The following ACSM3 variants were observed in gnomAD, a reference collection of about 807,000 sequenced individuals.
ACSM3 encodes the protein acyl-coenzyme A synthetase ACSM3, mitochondrial.
ACSM3 carries 61 observed loss-of-function variants against 74.1 expected under a neutral mutation model. That is an observed-to-expected ratio of 0.82 (90% CI 0.67 to 1.02). ACSM3 has a LOEUF of 1.02. Ranked by LOEUF, ACSM3 falls within the 50% of genes least tolerant of loss-of-function variation. The pLI, the probability that ACSM3 is intolerant of heterozygous loss-of-function variation, is 0.00. For synonymous variants in ACSM3, 213 were observed against 241.5 expected (o/e 0.88, Z 1.09); for missense variants, 660 against 697.0 (o/e 0.95, Z 0.60).
chr16:20,759,559 C>CAAA (rs35117717), upstream of ACSM3, among the ~76,000 whole-genome samples: 4 of 76,144 alleles, frequency 5.3e-5, no homozygotes, highest in Admixed American at 1.7e-4. Flanking sequence ...GACTCCATCT[C>CAAA]AAAAAAAAAA....
chr16:20,741,835 G>T, intron 1 of ACSM3: 1 of 1,538,660 alleles, frequency 6.5e-7, no homozygotes. Context: ...GGATATGAGC[G>T]ACGGCCTCCC....
intron 1 of ACSM3, chr16:20,738,310 C>CAA (rs200704193): frequency 6.8e-3 from 1,528 of 224,900 alleles, no homozygotes; most frequent in East Asian, 0.011. Flanking sequence ...CACTTTTTTA[C>CAA]AAAAAAAAAA....
chr16:20,727,515 T>G (rs2079810994), intron 1 of ACSM3: 1 of 331,418 alleles, frequency 3.0e-6, no homozygotes, highest in Non-Finnish European at 6.0e-6. Context: ...GGGGCCTTTC[T>G]GCCCCAGGAT....
chr16:20,794,429 GC>G (rs572475478), intron 12 of ACSM3, among the ~76,000 whole-genome samples: 41 of 152,278 alleles, frequency 2.7e-4, no homozygotes, highest in Non-Finnish European at 5.0e-4. Flanking sequence ...CGATAGCCAT[GC>G]ATGGCTATCA....
At chr16:20,682,392 C>CT (rs1470082657) in intron 1 of ACSM3, 1 of 1,613,946 alleles carries the variant, frequency 6.2e-7, no homozygotes, top group East Asian at 2.2e-5. Flanking sequence ...ATGCCCTTGG[C>CT]TTTAGACAAC....
rs142356189 is a variant in ACSM3 at position 20,790,005 on chromosome 16, T to C, written c.1225-582T>C. Among the ~76,000 whole-genome samples, 820 of 152,230 alleles carry C rather than the reference T, an allele frequency of 5.4e-3. 12 individuals carry two copies. The highest frequency in any genetic ancestry group is 0.019 in the African/African-American group (789 of 41,534). ...CCTATTTTTCGATTTATCTATATTGTCTCAAAGGATATTACCAAAATGTGA... is the reference window on the plus strand; with the variant it reads ...CCTATTTTTCGATTTATCTATATTGCCTCAAAGGATATTACCAAAATGTGA... On this transcript the variant is annotated intron_variant, in intron 9 of 13. Transcript: ENST00000289416. This position sits in a 1 kb window ranked among gnomAD's most constrained non-coding sequence, Gnocchi z 4.0.
At chr16:20,700,942 C>T (rs540228378) in intron 1 of ACSM3, among the ~76,000 whole-genome samples, 11 of 152,108 alleles carry the variant, frequency 7.2e-5, no homozygotes, top group Non-Finnish European at 1.2e-4. Context: ...CAAGTAATGA[C>T]GGTGGCTCAG....
At chr16:20,742,792 AAT>A (rs1216173827) in intron 1 of ACSM3, among the ~76,000 whole-genome samples, 3,064 of 136,356 alleles carry the variant, frequency 0.022, 54 homozygotes, top group Non-Finnish European at 0.03. Context: ...GGTGCGTGTA[AAT>A]ATATATATAT....
rs754230915 is a variant in ACSM3, at chr16:20,780,744, G to A, written c.669G>A (p.Lys223=). ...KHASDSHTCV[K]TKHNEIMAIF... Reference sequence around the variant, plus strand: ...CCAGTGACAGCCACACCTGTGTGAAGACAAAACACAATGAGATCATGGCCA... The same window carrying A: ...CCAGTGACAGCCACACCTGTGTGAAAACAAAACACAATGAGATCATGGCCA... Residue 223 remains lysine (K), a synonymous_variant, in exon 5 of 14, where the codon AAG becomes AAA. Transcript: ENST00000289416. The A allele has an allele frequency of 7.4e-6, 12 of 1,614,058 alleles. No individual in the cohort carries two copies. Among genetic ancestry groups the A allele is most frequent in the African/African-American group, 1.3e-5 (1 of 74,924 alleles).
At chr16:20,744,694 T>C (rs1396456045) in intron 1 of ACSM3, among the ~76,000 whole-genome samples, 1 of 152,166 alleles carries the variant, frequency 6.6e-6, no homozygotes, top group Admixed American at 6.5e-5. Context: ...AAACCACGTT[T>C]AAATAAGGCA....
At chr16:20,766,716 T>C (rs949049145) in intron 1 of ACSM3, 2 of 151,792 alleles carry the variant, frequency 1.3e-5, no homozygotes, top group Non-Finnish European at 2.9e-5. Context: ...CAGAGTGAGA[T>C]CCATCCTGTC....
intron 1 of ACSM3, among the ~76,000 whole-genome samples, chr16:20,691,751 A>ACGTGTGTG (rs1453597498): frequency 7.5e-6 from 1 of 134,024 alleles, no homozygotes; most frequent in East Asian, 2.4e-4. Flanking sequence ...TACCTCTCCA[A>ACGTGTGTG]TGTGTGTGTG....
chr16:20,735,376 GTT>G (rs36117629), intron 1 of ACSM3: 10,918 of 143,990 alleles, frequency 0.076, 519 homozygotes, highest in East Asian at 0.22. Flanking sequence ...TGTTTTGGGT[GTT>G]TTTTTTTTTT....
chr16:20,742,482 A>C (rs1227493643), intron 1 of ACSM3, among the ~76,000 whole-genome samples: 1 of 152,016 alleles, frequency 6.6e-6, no homozygotes, highest in African/African-American at 2.4e-5. Context: ...ATCTCTACTA[A>C]AATGCAAAAA....
At chr16:20,754,135 G>A (rs941101438) in intron 2 of ACSM3, among the ~76,000 whole-genome samples, 5 of 152,142 alleles carry the variant, frequency 3.3e-5, no homozygotes, top group African/African-American at 4.8e-5. Context: ...TGGTTAGGGG[G>A]AATAAGGACA....
chr16:20,712,360 T>C (rs902134717), intron 1 of ACSM3, among the ~76,000 whole-genome samples: 1 of 152,202 alleles, frequency 6.6e-6, no homozygotes, highest in African/African-American at 2.4e-5. Context: ...GAGACTTTGA[T>C]TGATCTTCCT....
intron 3 of ACSM3, among the ~76,000 whole-genome samples, chr16:20,757,234 C>T (rs963076536): frequency 3.9e-5 from 6 of 152,274 alleles, no homozygotes; most frequent in Non-Finnish European, 7.3e-5. Context: ...GCAGTATGGC[C>T]ATTTTCACAA....
intron 1 of ACSM3, among the ~76,000 whole-genome samples, chr16:20,712,410 CTGAA>C (rs1197829825): frequency 1.3e-5 from 2 of 152,120 alleles, no homozygotes; most frequent in Non-Finnish European, 2.9e-5. Context: ...TTAATATTTA[CTGAA>C]TGAATGAGCA....
At chr16:20,767,041 T>A (rs1027746951) in intron 1 of ACSM3, among the ~76,000 whole-genome samples, 2 of 152,132 alleles carry the variant, frequency 1.3e-5, no homozygotes, top group Non-Finnish European at 2.9e-5. Context: ...CAGATATTTT[T>A]TTTTCCCTCT....
Sources: gnomAD v4.1 joint callset for allele counts (sites outside exome capture counted in the v4.1 genomes callset) on GRCh38, gnomAD v4.1.1 for gene constraint, Gnocchi (gnomAD v3.1) non-coding constraint, MANE v1.5 for transcripts, NCBI Gene and HGNC (gene_info 2026-07-23, HGNC 2026-07-21) for gene names.